Variants in MKLN1 observed in about 807,000 individuals in gnomAD.
MKLN1 encodes muskelin 1.
In MKLN1, 18 loss-of-function variants were observed where a neutral mutation model predicts 99.0. The observed-to-expected ratio is 0.18, with a 90% confidence interval of 0.13 to 0.27. MKLN1 has a LOEUF of 0.27. Among genes scored for constraint, MKLN1 ranks in the 10% least tolerant of loss-of-function variants. MKLN1 has a pLI of 1.00. For synonymous variants in MKLN1, 288 were observed against 293.2 expected, an observed-to-expected ratio of 0.98 and a Z score of 0.18; for missense variants, 621 against 875.9, an observed-to-expected ratio of 0.71 and a Z score of 3.67.
intron 15 of MKLN1, among the ~76,000 whole-genome samples, chr7:131,469,082 C>G (rs1276350415): frequency 6.6e-6 from 1 of 152,048 alleles, no homozygotes; most frequent in Non-Finnish European, 1.5e-5. Context: ...ATCTGCTTGT[C>G]CTGTCCTACT....
At chr7:131,280,918 AG>A (rs1208450285) in intron 3 of MKLN1, among the ~76,000 whole-genome samples, 2 of 152,184 alleles carry the variant, frequency 1.3e-5, no homozygotes, top group East Asian at 1.9e-4. Flanking sequence ...GAGTAGTAGT[AG>A]GGTTTTAAAA....
At chr7:131,369,012 AC>A (rs1800264780) in intron 1 of MKLN1, among the ~76,000 whole-genome samples, 1 of 152,070 alleles carries the variant, frequency 6.6e-6, no homozygotes, top group Admixed American at 6.6e-5. Context: ...ACACACACAC[AC>A]ACACACACAC....
chr7:131,325,900 T>TGG (rs67878395), upstream of MKLN1, among the ~76,000 whole-genome samples: 127 of 77,184 alleles, frequency 1.6e-3, no homozygotes, highest in Non-Finnish European at 2.2e-3. Context: ...AGGAGAAAAG[T>TGG]GGGGGGGGGG....
chr7:131,388,860 A>G, intron 3 of MKLN1, 24 bp from the exon 4 acceptor site: 1 of 1,520,186 alleles, frequency 6.6e-7, no homozygotes. Context: ...AGTCAGATTT[A>G]ATAGCCTTAT....
chr7:131,374,514 C>A (rs962050133), intron 1 of MKLN1, among the ~76,000 whole-genome samples: 4 of 152,144 alleles, frequency 2.6e-5, no homozygotes, highest in African/African-American at 9.7e-5. Flanking sequence ...AAGTGAGAAA[C>A]CTGGCTCCCA....
chr7:131,306,684 T>C (rs1798472411), intron 3 of MKLN1, among the ~76,000 whole-genome samples: 1 of 152,156 alleles, frequency 6.6e-6, no homozygotes, highest in African/African-American at 2.4e-5. Flanking sequence ...TTATGAAAGT[T>C]TACAGTCATA....
chr7:131,329,291 G>T (rs923964118), intron 1 of MKLN1, among the ~76,000 whole-genome samples: 1 of 152,218 alleles, frequency 6.6e-6, no homozygotes, highest in African/African-American at 2.4e-5. Flanking sequence ...TTGGCATTCA[G>T]TAGGATCTGG....
chr7:131,416,584 A>G (rs1795021159), intron 8 of MKLN1, among the ~76,000 whole-genome samples: 1 of 150,988 alleles, frequency 6.6e-6, no homozygotes, highest in Admixed American at 6.6e-5. Flanking sequence ...GCAGTGGCGC[A>G]AAGGCCTAGA....
chr7:131,477,901 T>TAAATAC (rs1797011774), intron 16 of MKLN1, among the ~76,000 whole-genome samples: 1 of 152,244 alleles, frequency 6.6e-6, no homozygotes, highest in East Asian at 1.9e-4. Context: ...TCATTCAAGA[T>TAAATAC]AAATACAAAT....
In MKLN1 at chr7:131,349,922, A is replaced by G. The variant is rs777401074; in HGVS notation, c.98+21925A>G. Reference sequence around the variant, plus strand: ...CATTCTTGTGGAGTATGTTGTAGGTATGTGTTCCCAAAGTGTTTTGAATCC... The same window carrying G: ...CATTCTTGTGGAGTATGTTGTAGGTGTGTGTTCCCAAAGTGTTTTGAATCC... On this transcript the variant is annotated intron_variant, in intron 1 of 17. Transcript: ENST00000352689. 2.0e-5 allele frequency among the ~76,000 whole-genome samples: 3 copies of G among 152,102 alleles called. No individual in the cohort carries two copies. In the East Asian group the frequency reaches 5.8e-4, roughly 29 times the overall value.
At chr7:131,167,788 GTTAAA>G (rs1282963433) in intron 2 of MKLN1, among the ~76,000 whole-genome samples, 1 of 152,010 alleles carries the variant, frequency 6.6e-6, no homozygotes, top group Non-Finnish European at 1.5e-5. Flanking sequence ...TACAGAGATA[GTTAAA>G]TTAAGTAAAT....
intron 1 of MKLN1, among the ~76,000 whole-genome samples, chr7:131,363,429 CA>C (rs1800087243): frequency 6.6e-6 from 1 of 151,896 alleles, no homozygotes; most frequent in African/African-American, 2.4e-5. Flanking sequence ...CTGTTTCTTG[CA>C]ATTTCTCCAG....
chr7:131,247,235 C>CTTTTTTTTTTTT lies in MKLN1; in HGVS notation c.-179+44264_-179+44275dup, dbSNP rs72068521. On this transcript the variant is annotated intron_variant, in intron 3 of 7. Coordinates refer to the MKLN1 transcript ENST00000416992. ...TTACCTTTTCTTCTTTTTCTTTTTT[C>CTTTTTTTTTTTT]TTTTTTTTTTTTTTGTCACCATGGC... Among the ~76,000 whole-genome samples the CTTTTTTTTTTTT allele has an allele frequency of 1.4e-3, 193 of 141,132 alleles. 4 individuals carry two copies. Among genetic ancestry groups the CTTTTTTTTTTTT allele is most frequent in the African/African-American group, 4.7e-3 (176 of 37,780 alleles). The allele number at this position is 141,132 out of a possible 152,430, so 92.6% of individuals were successfully genotyped here. A position where few individuals can be genotyped will look rare whatever the true frequency, so the allele number is the denominator to read the frequency against.
At chr7:131,471,423 A>G (rs1168604251) in intron 16 of MKLN1, among the ~76,000 whole-genome samples, 1 of 152,126 alleles carries the variant, frequency 6.6e-6, no homozygotes, top group Non-Finnish European at 1.5e-5. Flanking sequence ...TTGTAGCAGT[A>G]TTGTTTGTCT....
rs376675821 is a variant in MKLN1, at chr7:131,435,153, A to T, written c.961-2632A>T. Among the ~76,000 whole-genome samples, 6 of 152,316 alleles carry T rather than the reference A, an allele frequency of 3.9e-5. No individual in the cohort carries two copies. In the East Asian group the frequency reaches 1.2e-3, roughly 29 times the overall value. ...TTCTTCTTTATTCTGTTAATATGTC[A>T]GATTATCCTGATTGATTTTCAGATG... On this transcript the variant is annotated intron_variant, in intron 9 of 17. Coordinates refer to ENST00000352689, the MANE Select transcript of MKLN1 (RefSeq NM_013255.5).
chr7:131,135,434 G>A (rs1213985745), intron 1 of MKLN1, among the ~76,000 whole-genome samples: 1 of 152,134 alleles, frequency 6.6e-6, no homozygotes, highest in African/African-American at 2.4e-5. Context: ...TTCCACTTCC[G>A]CGTCAGGAGT....
At chr7:131,137,994 C>T (rs10280176) in intron 1 of MKLN1, among the ~76,000 whole-genome samples, 7,494 of 146,104 alleles carry the variant, frequency 0.051, 252 homozygotes, top group African/African-American at 0.085. Context: ...GGCGTGATCT[C>T]GGCTCACCGC....
intron 6 of MKLN1, among the ~76,000 whole-genome samples, chr7:131,404,789 G>A (rs1794652699): frequency 6.6e-6 from 1 of 151,582 alleles, no homozygotes; most frequent in Non-Finnish European, 1.5e-5. Context: ...TAGAGATGGG[G>A]TTTTGCTGTA....
At position 131,349,181 on chromosome 7, in the gene MKLN1, GT is replaced by G. The variant is rs1332347360; in HGVS notation, c.98+21187del. Reference sequence around the variant, plus strand: ...AAGCCTTTGAGAGTGCTTAGAAGCAGTTTGATCTCTTAAATCTATCTTTTTT... The same window carrying G: ...AAGCCTTTGAGAGTGCTTAGAAGCAGTTGATCTCTTAAATCTATCTTTTTT... On this transcript the variant is annotated intron_variant, in intron 1 of 17. Transcript: ENST00000352689. Among the ~76,000 whole-genome samples the G allele has an allele frequency of 2.8e-5, 4 of 142,880 alleles. No individual in the cohort carries two copies. The East Asian group carries it at 8.6e-4, about 31-fold the overall frequency. The allele number at this position is 142,880 out of a possible 152,430, so 93.7% of individuals were successfully genotyped here.
Sources: gnomAD v4.1 joint callset for allele counts (sites outside exome capture counted in the v4.1 genomes callset) on GRCh38, gnomAD v4.1.1 for gene constraint, MANE v1.5 for transcripts, NCBI Gene and HGNC (gene_info 2026-07-23, HGNC 2026-07-21) for gene names.